Variants in SHMT1 observed in about 807,000 individuals in gnomAD.
SHMT1 encodes serine hydroxymethyltransferase 1.
In SHMT1, 45 loss-of-function variants were observed where a neutral mutation model predicts 49.0. The ratio of observed to expected loss-of-function variants is 0.92; its 90% confidence interval spans 0.72 to 1.18. The LOEUF is 1.18. Among genes scored for constraint, SHMT1 ranks in the 50% most tolerant of loss-of-function variants. The pLI, the probability that SHMT1 is intolerant of heterozygous loss-of-function variation, is 0.00. For synonymous variants in SHMT1, 232 were observed against 246.6 expected, an observed-to-expected ratio of 0.94 and a Z score of 0.55; for missense variants, 541 against 612.4, an observed-to-expected ratio of 0.88 and a Z score of 1.23.
intron 7 of SHMT1, among the ~76,000 whole-genome samples, chr17:18,337,400 C>T (rs1191122595): frequency 6.6e-6 from 1 of 152,166 alleles, no homozygotes; most frequent in East Asian, 1.9e-4. Context: ...TCAGAAACAT[C>T]AGCACAGCTA....
Position 18,340,489 on chromosome 17 carries a change from AG to A in SHMT1, c.602-235del, listed in dbSNP as rs2151579542. ...CCCAACTACTATTGCCAGCGCAGTC[AG>A]GGCCTGACATTTCTAGATGCTTCTC... On this transcript the variant is annotated intron_variant, in intron 6 of 11. Transcript: ENST00000316694. This position sits in a 1 kb window ranked among gnomAD's most constrained non-coding sequence, Gnocchi z 4.5. The A allele has an allele frequency of 1.5e-6, 1 of 668,380 alleles. No homozygotes were observed. Among genetic ancestry groups the A allele is most frequent in the African/African-American group, 1.8e-5 (1 of 56,114 alleles). 41.4% of individuals were successfully genotyped at this position (668,380 alleles called of 1,614,324 possible).
chr17:18,353,738 C>G lies in SHMT1; in HGVS notation c.176G>C (p.Arg59Pro). 6.2e-7 allele frequency: 1 copy of G among 1,614,100 alleles called. No individual in the cohort carries two copies. The highest frequency in any genetic ancestry group is 8.5e-7 in the Non-Finnish European group (1 of 1,180,004). The change falls in exon 3 of 12, where the codon CGA becomes CCA. Residue 59 changes from arginine (R) to proline (P), a missense_variant. Arg to Pro is a moderately radical substitution (Grantham distance 103, BLOSUM62 -2). Coordinates refer to ENST00000316694, the MANE Select transcript of SHMT1 (RefSeq NM_004169.5). ...AGAGCCTAGGGCCTCCAAAACTGCT[C>G]GGCTGGCGAAATTCTCCGAGGCAAT... ...ELIASENFAS[R>P]AVLEALGSCL...
chr17:18,355,049 T>C (rs1986094481), intron 2 of SHMT1, among the ~76,000 whole-genome samples: 1 of 19,656 alleles, frequency 5.1e-5, no homozygotes, highest in Non-Finnish European at 8.1e-5. Context: ...AGACTATATC[T>C]CAAAAAAAAA....
chr17:18,329,649 C>A (rs1982962947), intron 10 of SHMT1, among the ~76,000 whole-genome samples: 1 of 152,226 alleles, frequency 6.6e-6, no homozygotes. Flanking sequence ...TAACATCTGT[C>A]TGGGTCTGAG....
At chr17:18,348,719 A>T (rs778929343) in intron 3 of SHMT1, 1 of 549,582 alleles carries the variant, frequency 1.8e-6, no homozygotes, top group Non-Finnish European at 3.6e-6. Context: ...TTATACCTAT[A>T]ATCCCAGCAC....
In SHMT1 at chr17:18,328,551, TC is replaced by T; in HGVS notation, c.*198del. 1 of 603,578 alleles carries T rather than the reference TC, an allele frequency of 1.7e-6. No individual in the cohort carries two copies. The highest frequency in any genetic ancestry group is 2.9e-6 in the Non-Finnish European group (1 of 342,932). 37.4% of individuals were successfully genotyped at this position (603,578 alleles called of 1,614,324 possible). A position where few individuals can be genotyped will look rare whatever the true frequency, so the allele number is the denominator to read the frequency against. On this transcript the variant is annotated 3_prime_UTR_variant, in exon 12 of 12. Transcript: ENST00000316694. ...CAAATTTAAATCCTTTAATAACCTG[TC>T]CCAGAATTACTAACAATGAGACTTA...
chr17:18,344,435 G>A (rs1288870042), intron 5 of SHMT1, among the ~76,000 whole-genome samples: 1 of 151,950 alleles, frequency 6.6e-6, no homozygotes, highest in Admixed American at 6.6e-5. Context: ...GGGAGACAGA[G>A]GCAGTAGGAT....
intron 1 of SHMT1, among the ~76,000 whole-genome samples, chr17:18,362,622 C>A (rs1484210885): frequency 6.6e-6 from 1 of 152,220 alleles, no homozygotes; most frequent in Non-Finnish European, 1.5e-5. Context: ...CCGCGCCCGG[C>A]CTACAATGTT....
At chr17:18,358,151 A>T (rs1325696765) in intron 1 of SHMT1, among the ~76,000 whole-genome samples, 8 of 28,048 alleles carry the variant, frequency 2.9e-4, no homozygotes, top group African/African-American at 6.0e-4. Context: ...TAGGACTCTT[A>T]AAAAAAAAAA....
intron 3 of SHMT1, among the ~76,000 whole-genome samples, chr17:18,349,594 C>T (rs1985464851): frequency 6.6e-6 from 1 of 151,968 alleles, no homozygotes; most frequent in Admixed American, 6.6e-5. Context: ...TGGCTTGCAC[C>T]TATAGTCCTA....
intron 10 of SHMT1, among the ~76,000 whole-genome samples, 176 bp downstream of exon 10, chr17:18,330,379 G>A (rs1456740121): frequency 6.6e-6 from 1 of 150,974 alleles, no homozygotes; most frequent in Non-Finnish European, 1.5e-5. Flanking sequence ...CAAGTGATCC[G>A]CCTGCCTCGG....
At chr17:18,333,747 G>C (rs1343819784) in intron 8 of SHMT1, among the ~76,000 whole-genome samples, 18 of 151,738 alleles carry the variant, frequency 1.2e-4, no homozygotes, top group Admixed American at 9.9e-4. Context: ...TGGGATTACA[G>C]GCATGAGCAC....
Position 18,329,862 on chromosome 17 carries a change from G to GTTT in SHMT1, c.1172-477_1172-475dup, listed in dbSNP as rs963117083. Among the ~76,000 whole-genome samples, 8 of 151,420 alleles carry GTTT rather than the reference G, an allele frequency of 5.3e-5. No individual in the cohort carries two copies. In the Admixed American group the frequency reaches 5.3e-4, roughly 10 times the overall value. ...GGTCCCTGCCCCCGCTCCATTTTTT[G>GTTT]TTTTTGTTTTTGTTTTTTTGAGACG... On this transcript the variant is annotated intron_variant, in intron 10 of 11. Transcript: ENST00000316694.
rs1333438438 is a variant in SHMT1 at position 18,347,607 on chromosome 17, C to T, written c.408G>A (p.Gly136=). 1 of 1,614,134 alleles carries T rather than the reference C, an allele frequency of 6.2e-7. No homozygotes were observed. Among genetic ancestry groups the T allele is most frequent in the Non-Finnish European group, 8.5e-7 (1 of 1,180,012 alleles). The change falls in exon 5 of 12, where the codon GGG becomes GGA. Residue 136 remains glycine, a synonymous_variant. Transcript: ENST00000316694. ...CCGGAAGGTCCAGGCCCATGATGCGCCCATGGGGTTCCACCAGGGCAGTGT... is the reference window on the plus strand; with the variant it reads ...CCGGAAGGTCCAGGCCCATGATGCGTCCATGGGGTTCCACCAGGGCAGTGT... ...AVYTALVEPH[G]RIMGLDLPDG...
At chr17:18,345,455 C>G (rs757246700) in intron 5 of SHMT1, among the ~76,000 whole-genome samples, 3 of 152,020 alleles carry the variant, frequency 2.0e-5, no homozygotes, top group Non-Finnish European at 4.4e-5. Flanking sequence ...AAGGCTTTCA[C>G]CATGTTGGCC....
intron 9 of SHMT1, chr17:18,331,547 A>G (rs1983211159): frequency 6.5e-6 from 1 of 152,696 alleles, no homozygotes; most frequent in Non-Finnish European, 1.5e-5. Context: ...TGTCTCAGCC[A>G]TGTGCATCGG....
intron 4 of SHMT1, 105 bp from the exon 5 acceptor site, chr17:18,347,761 G>T (rs1182560529): frequency 4.0e-6 from 5 of 1,246,288 alleles, no homozygotes; most frequent in Non-Finnish European, 5.8e-6. Context: ...GCGAGAACAG[G>T]CCTTGTACCT....
chr17:18,348,504 C>T (rs1263152861), intron 3 of SHMT1, 64 bp from the exon 4 acceptor site: 1 of 1,188,146 alleles, frequency 8.4e-7, no homozygotes, highest in Non-Finnish European at 1.3e-6. Flanking sequence ...TTCACAGAGG[C>T]CAAAGAAGCT....
intron 1 of SHMT1, among the ~76,000 whole-genome samples, chr17:18,358,234 G>A (rs1045289004): frequency 1.3e-5 from 2 of 150,576 alleles, no homozygotes; most frequent in African/African-American, 2.4e-5. Context: ...GCTCATGCCT[G>A]TAATCCCAGT....
Sources: gnomAD v4.1 joint callset for allele counts (sites outside exome capture counted in the v4.1 genomes callset) on GRCh38, gnomAD v4.1.1 for gene constraint, Gnocchi (gnomAD v3.1) non-coding constraint, MANE v1.5 for transcripts, NCBI Gene and HGNC (gene_info 2026-07-23, HGNC 2026-07-21) for gene names.